DLG2: variants seen among roughly 807,000 people sequenced by gnomAD.
The protein encoded by DLG2 is disks large homolog 2.
In DLG2, 45 loss-of-function variants were observed where a neutral mutation model predicts 132.5. That is an observed-to-expected ratio of 0.34 (90% CI 0.27 to 0.44). The LOEUF is 0.44. Ranked by LOEUF, DLG2 falls within the 20% of genes least tolerant of loss-of-function variation. DLG2 has a pLI of 1.00. For synonymous variants in DLG2, 424 were observed against 419.6 expected (o/e 1.01, Z -0.13); for missense variants, 1,045 against 1,196.9 (o/e 0.87, Z 1.87).
chr11:85,218,480 A>G (rs1340923020), intron 4 of DLG2, among the ~76,000 whole-genome samples: 2 of 152,178 alleles, frequency 1.3e-5, no homozygotes, highest in African/African-American at 4.8e-5. Context: ...ATTATCACCA[A>G]TCATCAGAGA....
chr11:84,914,347 T>A (rs541012871), intron 6 of DLG2, among the ~76,000 whole-genome samples: 20 of 152,178 alleles, frequency 1.3e-4, no homozygotes, highest in Non-Finnish European at 2.5e-4. Flanking sequence ...TCTTGTCAAT[T>A]CTCAAGAGCT....
chr11:84,420,028 C>G (rs907594899), intron 7 of DLG2, among the ~76,000 whole-genome samples: 2 of 152,156 alleles, frequency 1.3e-5, no homozygotes, highest in Admixed American at 1.3e-4. Flanking sequence ...AAAGAGAAAC[C>G]TTCGTTACAA....
At chr11:84,139,620 G>A (rs1327120643) in intron 9 of DLG2, among the ~76,000 whole-genome samples, 1 of 151,984 alleles carries the variant, frequency 6.6e-6, no homozygotes, top group South Asian at 2.1e-4. Flanking sequence ...TTGGAGGTAG[G>A]TATTATTATC....
At chr11:83,841,969 A>C (rs1351932967) in intron 16 of DLG2, among the ~76,000 whole-genome samples, 1 of 152,268 alleles carries the variant, frequency 6.6e-6, no homozygotes, top group East Asian at 1.9e-4. Context: ...TAAAGTAGCC[A>C]AGAGTAAGGA....
intron 10 of DLG2, among the ~76,000 whole-genome samples, chr11:84,061,051 CT>C (rs2096583777): frequency 6.6e-6 from 1 of 152,220 alleles, no homozygotes; most frequent in Non-Finnish European, 1.5e-5. Flanking sequence ...GCATTCCCCA[CT>C]TCCTCCTTCC....
chr11:83,619,558 C>T lies in DLG2; in HGVS notation c.1940+13653G>A, dbSNP rs564076060. On this transcript the variant is annotated intron_variant, in intron 19 of 27. Coordinates refer to ENST00000376104, the MANE Select transcript of DLG2 (RefSeq NM_001142699.3). ...AATGGGAATAGTAATGATGCTCCCTCATAGATACTGTGAGAATTAAATGTT... is the reference window on the plus strand; with the variant it reads ...AATGGGAATAGTAATGATGCTCCCTTATAGATACTGTGAGAATTAAATGTT... Among the ~76,000 whole-genome samples the T allele has an allele frequency of 2.0e-5, 3 of 152,232 alleles. No individual in the cohort carries two copies. In the East Asian group the frequency reaches 5.8e-4, roughly 29 times the overall value.
chr11:84,490,533 C>T (rs910262605), intron 7 of DLG2, among the ~76,000 whole-genome samples: 4 of 151,506 alleles, frequency 2.6e-5, no homozygotes, highest in Non-Finnish European at 5.9e-5. Flanking sequence ...CTTGATGACT[C>T]TCAGCGGAGA....
chr11:83,697,101 A>C (rs1396666808), intron 18 of DLG2, among the ~76,000 whole-genome samples: 1 of 152,218 alleles, frequency 6.6e-6, no homozygotes, highest in African/African-American at 2.4e-5. Context: ...GCCCTCAAAG[A>C]AATGAGTCAG....
intron 3 of DLG2, among the ~76,000 whole-genome samples, chr11:85,516,909 C>A (rs1020653354): frequency 2.6e-5 from 4 of 151,908 alleles, no homozygotes; most frequent in Non-Finnish European, 5.9e-5. Context: ...GGAAATCCTC[C>A]CTAACTCATC....
intron 3 of DLG2, among the ~76,000 whole-genome samples, chr11:85,403,661 G>C (rs2088423816): frequency 6.6e-6 from 1 of 151,878 alleles, no homozygotes; most frequent in South Asian, 2.1e-4. Context: ...AACTGGAGAT[G>C]TATGATATCA....
intron 6 of DLG2, among the ~76,000 whole-genome samples, chr11:84,973,201 T>G (rs1408839752): frequency 6.6e-6 from 1 of 152,014 alleles, no homozygotes; most frequent in African/African-American, 2.4e-5. Flanking sequence ...TCAGGTGATC[T>G]GCCTGCCTCA....
intron 6 of DLG2, among the ~76,000 whole-genome samples, chr11:84,850,120 G>C (rs1377479520): frequency 6.6e-6 from 1 of 152,052 alleles, no homozygotes; most frequent in Non-Finnish European, 1.5e-5. Flanking sequence ...GGGCAACTAG[G>C]ATGGTTGGTC....
chr11:84,391,733 C>T lies in DLG2; in HGVS notation c.520-140442G>A, dbSNP rs2098793130. Among the ~76,000 whole-genome samples the T allele has an allele frequency of 2.6e-5, 4 of 151,794 alleles. No homozygotes were observed. The South Asian group carries it at 8.3e-4, about 32-fold the overall frequency. On this transcript the variant is annotated intron_variant, in intron 7 of 27. Transcript: ENST00000376104. ...AACAAAACTAGATGCTGATTATTTT[C>T]CCTCGAATTGTTTCTTCCTAAAAAC...
At chr11:83,996,573 C>G (rs925727137) in intron 11 of DLG2, among the ~76,000 whole-genome samples, 1 of 152,110 alleles carries the variant, frequency 6.6e-6, no homozygotes, top group African/African-American at 2.4e-5. Flanking sequence ...ACCTAAGTGT[C>G]GATCAACAGA....
At chr11:84,203,101 T>C (rs1346305684) in intron 8 of DLG2, among the ~76,000 whole-genome samples, 2 of 149,110 alleles carry the variant, frequency 1.3e-5, no homozygotes. Flanking sequence ...GACCGAACAA[T>C]CCCATTACTA....
chr11:84,515,957 C>A (rs1214163776), intron 7 of DLG2, among the ~76,000 whole-genome samples: 2 of 146,246 alleles, frequency 1.4e-5, no homozygotes, highest in African/African-American at 5.1e-5. Flanking sequence ...CACAAATAAA[C>A]ATGAAAATTA....
chr11:84,803,767 C>T (rs190012562), intron 6 of DLG2, among the ~76,000 whole-genome samples: 51 of 152,298 alleles, frequency 3.3e-4, no homozygotes, highest in Non-Finnish European at 6.0e-4. Flanking sequence ...TAAAGGAGTC[C>T]TTACTACCTC....
chr11:84,743,034 T>A (rs2064890382), intron 6 of DLG2, among the ~76,000 whole-genome samples: 1 of 152,188 alleles, frequency 6.6e-6, no homozygotes, highest in Non-Finnish European at 1.5e-5. Context: ...AGCTCTTAAA[T>A]AATTCACAAG....
intron 6 of DLG2, among the ~76,000 whole-genome samples, chr11:85,019,213 T>C (rs536798248): frequency 6.6e-6 from 1 of 152,136 alleles, no homozygotes; most frequent in Non-Finnish European, 1.5e-5. Flanking sequence ...TGTTAAGTCA[T>C]AAAGAGGTAT....
Sources: allele counts gnomAD v4.1 joint callset (sites outside exome capture counted in the v4.1 genomes callset), GRCh38; gene constraint gnomAD v4.1.1; transcripts MANE v1.5; gene names NCBI Gene and HGNC (gene_info 2026-07-23, HGNC 2026-07-21).